Variants in ATXN7L1 observed in about 807,000 individuals in gnomAD.
The protein encoded by ATXN7L1 is ataxin-7-like protein 1.
Under a neutral mutation model 70.8 loss-of-function variants are expected in ATXN7L1, and 15 were observed. The ratio of observed to expected loss-of-function variants is 0.21; its 90% CI spans 0.14 to 0.33. ATXN7L1 has a LOEUF of 0.33. ATXN7L1 is among the 10% of genes least tolerant of loss of function. ATXN7L1 has a pLI of 1.00. For synonymous variants in ATXN7L1, 440 were observed against 445.1 expected (o/e 0.99, Z 0.14); for missense variants, 975 against 1,097.1 (o/e 0.89, Z 1.57).
At chr7:105,868,144 T>C (rs983083251) in intron 2 of ATXN7L1, among the ~76,000 whole-genome samples, 2 of 152,220 alleles carry the variant, frequency 1.3e-5, no homozygotes, top group African/African-American at 4.8e-5. Flanking sequence ...GGTAACTTCC[T>C]GTATCCTCCA....
At chr7:105,627,124 A>G (rs1795818990) in intron 7 of ATXN7L1, among the ~76,000 whole-genome samples, 1 of 152,208 alleles carries the variant, frequency 6.6e-6, no homozygotes, top group Non-Finnish European at 1.5e-5. Flanking sequence ...AGCCCTCTCC[A>G]TCATGATAGG....
chr7:105,757,005 TATG>T (rs1377757336), intron 3 of ATXN7L1, among the ~76,000 whole-genome samples: 1 of 152,162 alleles, frequency 6.6e-6, no homozygotes, highest in Non-Finnish European at 1.5e-5. Flanking sequence ...AAAAGATGGA[TATG>T]ATAAAAGGCT....
intron 3 of ATXN7L1, among the ~76,000 whole-genome samples, chr7:105,745,342 C>G (rs577646033): frequency 1.3e-5 from 2 of 151,868 alleles, no homozygotes. Flanking sequence ...CTTCCTCTCC[C>G]CAGAGGAGCA....
At chr7:105,661,890 G>A (rs1053374529) in intron 4 of ATXN7L1, among the ~76,000 whole-genome samples, 2 of 152,160 alleles carry the variant, frequency 1.3e-5, no homozygotes, top group African/African-American at 2.4e-5. Context: ...CAAATTGCCC[G>A]TGCCTTTCTC....
At position 105,638,540 on chromosome 7, in the gene ATXN7L1, G is replaced by T. The variant is rs1270897089; in HGVS notation, c.1015C>A (p.His339Asn). The T allele has an allele frequency of 1.9e-6, 3 of 1,552,044 alleles. No homozygotes were observed. The highest frequency in any genetic ancestry group is 1.2e-5 in the South Asian group (1 of 84,062). ...KKQFDLLLAE[H>N]KAKSREKEVK... is the part of the protein sequence containing the mutation. ...TCTTTTTCCCGGGACTTTGCTTTGT[G>T]TTCTGCCAGGAGGAGGTCAAATTGC... is the stretch of plus-strand genomic sequence containing the variant. Residue 339 changes from histidine (H) to asparagine (N), a missense_variant, in exon 7 of 12, where the codon CAC (histidine) becomes AAC (asparagine). Physicochemically the swap from His to Asn is moderately conservative, Grantham distance 68 (BLOSUM62 1). This residue lies in a region of ATXN7L1 where 635 missense variants were observed against 699.4 expected (regional missense o/e 0.91). Coordinates refer to ENST00000419735, the MANE Select transcript of ATXN7L1 (RefSeq NM_020725.2).
At position 105,655,051 on chromosome 7, in the gene ATXN7L1, G is replaced by T. The variant is rs182200439; in HGVS notation, c.578+10015C>A. ...GAGCCACAGTGACTGGACACTTCAG[G>T]CCATTTTCTTCCTTCCCCAGCTGTC... On this transcript the variant is annotated intron_variant, in intron 4 of 11. Transcript: ENST00000419735. Among the ~76,000 whole-genome samples the T allele has an allele frequency of 1.1e-3, 173 of 152,144 alleles. 1 individual carries two copies. Among genetic ancestry groups the T allele is most frequent in the Non-Finnish European group, 2.5e-4 (17 of 68,008 alleles).
chr7:105,714,384 G>C (rs973497385), intron 3 of ATXN7L1, among the ~76,000 whole-genome samples: 2 of 152,218 alleles, frequency 1.3e-5, no homozygotes, highest in African/African-American at 4.8e-5. Context: ...AGGAATCTGT[G>C]CTTTACAAGC....
chr7:105,771,792 T>C (rs1331029691), intron 3 of ATXN7L1, among the ~76,000 whole-genome samples: 1 of 152,152 alleles, frequency 6.6e-6, no homozygotes, highest in Non-Finnish European at 1.5e-5. Context: ...AAGTTCTGTA[T>C]GCATGTTAAA....
At chr7:105,824,348 A>C (rs1195039618) in intron 2 of ATXN7L1, among the ~76,000 whole-genome samples, 1 of 152,204 alleles carries the variant, frequency 6.6e-6, no homozygotes, top group African/African-American at 2.4e-5. Context: ...AGACATTTAA[A>C]GACAGCACCC....
At chr7:105,853,306 T>C (rs749019028) in intron 2 of ATXN7L1, among the ~76,000 whole-genome samples, 6 of 152,220 alleles carry the variant, frequency 3.9e-5, no homozygotes, top group Non-Finnish European at 7.3e-5. Context: ...CCCAGCACTC[T>C]GGGAGGCCGA....
chr7:105,614,467 T>C lies in ATXN7L1; in HGVS notation c.1867A>G (p.Thr623Ala), dbSNP rs1271043302. 6.5e-7 allele frequency: 1 copy of C among 1,537,582 alleles called. No individual in the cohort carries two copies. The highest frequency in any genetic ancestry group is 2.5e-5 in the East Asian group (1 of 40,784). Residue 623 changes from threonine to alanine, a missense_variant, in exon 10 of 12, where the codon ACC (threonine) becomes GCC (alanine). Thr to Ala is a moderately conservative substitution (Grantham distance 58). Around this residue, in one of 5 missense-constraint regions of ATXN7L1, gnomAD observed 635 missense variants for 699.4 expected, o/e 0.91. Transcript: ENST00000419735. The surrounding 1 kb of genome is among the most constrained non-coding windows in gnomAD (Gnocchi z 4.3). ...SPSHKPSKTK[T>A]SKSSKVKDLS... ...TCTTTGACTTTTGAGGATTTGCTGGTTTTGGTTTTGGATGGCTTGTGGGAT... is the reference window on the plus strand; with the variant it reads ...TCTTTGACTTTTGAGGATTTGCTGGCTTTGGTTTTGGATGGCTTGTGGGAT...
chr7:105,672,989 T>C (rs1804006990), intron 3 of ATXN7L1, among the ~76,000 whole-genome samples: 1 of 152,222 alleles, frequency 6.6e-6, no homozygotes, highest in Non-Finnish European at 1.5e-5. Context: ...CAAGACCACC[T>C]GCTTCCCCAC....
chr7:105,819,946 G>GC, intron 2 of ATXN7L1: 1 of 493,412 alleles, frequency 2.0e-6, no homozygotes, highest in Non-Finnish European at 4.0e-6. Flanking sequence ...CCTGGCAGTG[G>GC]CATCTACCCT....
intron 3 of ATXN7L1, among the ~76,000 whole-genome samples, chr7:105,692,428 C>CCTT (rs1554431706): frequency 8.9e-3 from 477 of 53,636 alleles, no homozygotes; most frequent in Admixed American, 0.014. Context: ...CTTCCTTCCT[C>CCTT]CCTCCCTCCC....
intron 3 of ATXN7L1, among the ~76,000 whole-genome samples, chr7:105,740,786 A>ATTTTTTTTTTTTTTTTTTTTTTTTT (rs1481143764): frequency 2.5e-5 from 1 of 40,686 alleles, no homozygotes; most frequent in Non-Finnish European, 3.7e-5. Context: ...TTTTTTTTTA[A>ATTTTTTTTTTTTTTTTTTTTTTTTT]TGGAGTCTCA....
intron 3 of ATXN7L1, among the ~76,000 whole-genome samples, chr7:105,672,909 C>A (rs958886785): frequency 1.1e-4 from 16 of 152,230 alleles, no homozygotes; most frequent in Non-Finnish European, 7.3e-5. Context: ...AAATGAAAAG[C>A]CAAATCCTTT....
At chr7:105,621,062 C>T (rs1459625950) in intron 8 of ATXN7L1, among the ~76,000 whole-genome samples, 2 of 152,150 alleles carry the variant, frequency 1.3e-5, no homozygotes, top group East Asian at 3.9e-4. Context: ...CCTTTCCTAT[C>T]TGATGTCAAC....
chr7:105,665,831 A>G (rs1802528406), intron 3 of ATXN7L1, among the ~76,000 whole-genome samples: 1 of 152,250 alleles, frequency 6.6e-6, no homozygotes, highest in Non-Finnish European at 1.5e-5. Context: ...CTGAGAGGAC[A>G]GTGTCAGCAC....
intron 3 of ATXN7L1, among the ~76,000 whole-genome samples, chr7:105,749,246 CA>C (rs2116381571): frequency 6.6e-6 from 1 of 151,804 alleles, no homozygotes; most frequent in South Asian, 2.1e-4. Flanking sequence ...GGATAGCCCT[CA>C]AAATAGAGTT....
Sources: gnomAD v4.1 joint callset for allele counts (sites outside exome capture counted in the v4.1 genomes callset) on GRCh38, gnomAD v4.1.1 for gene constraint, gnomAD v4.1.1 regional missense constraint, Gnocchi (gnomAD v3.1) non-coding constraint, MANE v1.5 for transcripts, NCBI Gene and HGNC (gene_info 2026-07-23, HGNC 2026-07-21) for gene names.